VGLL3: variants seen among roughly 807,000 people sequenced by gnomAD.
The protein encoded by VGLL3 is vestigial like family member 3, also known as transcription cofactor vestigial-like protein 3.
Under a neutral mutation model 29.2 loss-of-function variants are expected in VGLL3, and 18 were observed. The observed-to-expected ratio is 0.62, with a 90% CI of 0.43 to 0.91. The LOEUF (loss-of-function observed/expected upper bound fraction) is 0.91, where lower values mean the gene tolerates loss of function less well. VGLL3 is among the 40% of genes least tolerant of loss of function. The probability of loss-of-function intolerance (pLI) is 0.00; values close to 1 mark genes in which losing one functional copy is unlikely to be tolerated. For synonymous variants in VGLL3, 180 were observed against 151.8 expected (o/e 1.19, Z -1.36); for missense variants, 440 against 413.2 (o/e 1.06, Z -0.56).
At chr3:86,973,713 A>G (rs1705152227) in intron 2 of VGLL3, among the ~76,000 whole-genome samples, 1 of 152,158 alleles carries the variant, frequency 6.6e-6, no homozygotes, top group Non-Finnish European at 1.5e-5. Context: ...AGCTCATCAG[A>G]CAGGCCCTCC....
At chr3:86,962,704 AAC>A in intron 3 of VGLL3, 1 of 801,186 alleles carries the variant, frequency 1.2e-6, no homozygotes, top group Admixed American at 6.2e-5. Context: ...AAGAGAATTA[AAC>A]ACACATTTAC....
Position 86,978,598 on chromosome 3 carries a change from C to T in VGLL3, c.331G>A (p.Gly111Ser), listed in dbSNP as rs1705257034. The T allele has an allele frequency of 2.5e-6, 4 of 1,614,104 alleles. No homozygotes were observed. The highest frequency in any genetic ancestry group is 1.3e-5 in the African/African-American group (1 of 75,016). ...TCTGGATGGAGGGTGATGGCTTGGC[C>T]CAAAGCTCTTGAGAAGTGTTCATCC... is the stretch of plus-strand genomic sequence containing the variant. ...VVDEHFSRAL[G>S]QAITLHPESA... Residue 111 changes from glycine (G) to serine (S), a missense_variant, in exon 2 of 4, where the codon GGC becomes AGC. Transcript: ENST00000398399.
chr3:86,964,394 A>T (rs1017606818), intron 3 of VGLL3, among the ~76,000 whole-genome samples: 1 of 152,208 alleles, frequency 6.6e-6, no homozygotes, highest in African/African-American at 2.4e-5. Flanking sequence ...TACACATTAT[A>T]TGACGTTCAA....
intron 2 of VGLL3, among the ~76,000 whole-genome samples, chr3:86,972,091 C>A (rs1308087750): frequency 6.6e-6 from 1 of 152,128 alleles, no homozygotes; most frequent in Admixed American, 6.6e-5. Context: ...GTACATGGAG[C>A]CAATCTTATT....
intron 2 of VGLL3, among the ~76,000 whole-genome samples, chr3:86,970,555 G>A (rs1355259635): frequency 6.6e-6 from 1 of 150,994 alleles, no homozygotes; most frequent in Non-Finnish European, 1.5e-5. Context: ...GACAAAAAGA[G>A]TTCCATAGGC....
chr3:86,978,852 C>A, intron 1 of VGLL3, 50 bp from the exon 2 acceptor site: 3 of 1,502,810 alleles, frequency 2.0e-6, no homozygotes, highest in Non-Finnish European at 2.7e-6. Flanking sequence ...TGTAGAAAAG[C>A]ATTCACTAGT....
chr3:86,963,220 TGTG>T (rs1245131169), intron 3 of VGLL3, among the ~76,000 whole-genome samples: 3 of 152,206 alleles, frequency 2.0e-5, no homozygotes, highest in African/African-American at 7.2e-5. Context: ...ATAAACAAAA[TGTG>T]GTATTATCCA....
chr3:86,969,267 T>A, intron 2 of VGLL3, 144 bp from the exon 3 acceptor site: 1 of 1,042,738 alleles, frequency 9.6e-7, no homozygotes, highest in African/African-American at 1.6e-5. Flanking sequence ...CAAACAGGGG[T>A]GAATTGATAC....
rs1575854626 is a variant in VGLL3, at chr3:86,941,913, C to T, written c.*5111G>A. On this transcript the variant is annotated 3_prime_UTR_variant, in exon 4 of 4. Coordinates refer to ENST00000398399, the MANE Select transcript of VGLL3 (RefSeq NM_016206.4). ...TGAGACTGAGGTTTCCTTATGGACT[C>T]CACCCATGCCCCCACTTGCCAGAGC... 1 of 152,076 alleles carries T rather than the reference C, an allele frequency of 6.6e-6. No individual in the cohort carries two copies. Among genetic ancestry groups the T allele is most frequent in the East Asian group, 1.9e-4 (1 of 5,186 alleles). 9.4% of individuals were successfully genotyped at this position (152,076 alleles called of 1,614,324 possible).
chr3:86,968,397 C>T (rs975636814), intron 3 of VGLL3, among the ~76,000 whole-genome samples, 193 bp downstream of exon 3: 88 of 152,318 alleles, frequency 5.8e-4, no homozygotes, highest in African/African-American at 2.0e-3. Flanking sequence ...AGACCTTTCT[C>T]AGGCTGGATT....
intron 2 of VGLL3, among the ~76,000 whole-genome samples, chr3:86,970,200 G>A (rs534142743): frequency 6.6e-6 from 1 of 152,192 alleles, no homozygotes; most frequent in South Asian, 2.1e-4. Context: ...CTACTCAATC[G>A]TAATAACACA....
At chr3:86,960,017 C>T (rs550178821) in intron 3 of VGLL3, among the ~76,000 whole-genome samples, 5 of 152,122 alleles carry the variant, frequency 3.3e-5, no homozygotes, top group African/African-American at 7.2e-5. Context: ...TATTCTCACC[C>T]GGTTTTTTGT....
Position 86,938,508 on chromosome 3 carries a change from T to C in VGLL3, c.*8516A>G, listed in dbSNP as rs1349219982. Reference sequence around the variant, plus strand: ...TTTTTTGGCAAGATATTAAATCCTCTGTTGCTATATTTGGCTCTCTGCAAA... The same window carrying C: ...TTTTTTGGCAAGATATTAAATCCTCCGTTGCTATATTTGGCTCTCTGCAAA... On this transcript the variant is annotated 3_prime_UTR_variant, in exon 4 of 4. Coordinates refer to ENST00000398399, the MANE Select transcript of VGLL3 (RefSeq NM_016206.4). 6.6e-6 allele frequency: 1 copy of C among 152,658 alleles called. No individual in the cohort carries two copies. The highest frequency in any genetic ancestry group is 1.5e-5 in the Non-Finnish European group (1 of 68,046). The allele number at this position is 152,658 out of a possible 1,614,324, so 9.5% of individuals were successfully genotyped here. A position where few individuals can be genotyped will look rare whatever the true frequency, so the allele number is the denominator to read the frequency against.
In VGLL3 at chr3:86,941,270, T is replaced by A. The variant is rs1559714886; in HGVS notation, c.*5754A>T. On this transcript the variant is annotated 3_prime_UTR_variant, in exon 4 of 4. Coordinates refer to ENST00000398399, the MANE Select transcript of VGLL3 (RefSeq NM_016206.4). ...ATCCTAAGAAATTAAATCAATTGTG[T>A]AAATAATCATTATTAACTTTTGCTC... 6.6e-6 allele frequency: 1 copy of A among 152,430 alleles called. No homozygotes were observed. Among genetic ancestry groups the A allele is most frequent in the Admixed American group, 6.6e-5 (1 of 15,252 alleles). 9.4% of individuals were successfully genotyped at this position (152,430 alleles called of 1,614,324 possible).
At chr3:86,974,345 C>G (rs1401259188) in intron 2 of VGLL3, among the ~76,000 whole-genome samples, 1 of 152,042 alleles carries the variant, frequency 6.6e-6, no homozygotes, top group African/African-American at 2.4e-5. Flanking sequence ...TCTCGAACTC[C>G]TGACCTCAGG....
intron 3 of VGLL3, among the ~76,000 whole-genome samples, chr3:86,949,984 C>T (rs1434755980): frequency 1.3e-5 from 2 of 152,116 alleles, no homozygotes; most frequent in Non-Finnish European, 2.9e-5. Context: ...AATTGTTAAC[C>T]CATGAATCTT....
Position 86,990,805 on chromosome 3 carries a change from G to A in VGLL3, c.-62C>T, listed in dbSNP as rs937892157. ...GCCGCTCTACGCGCTGGCGCGAGGG[G>A]CGCGGGCGCCGCCGCCGCCGCAGCT... On this transcript the variant is annotated 5_prime_UTR_variant, in exon 1 of 4. Coordinates refer to ENST00000398399, the MANE Select transcript of VGLL3 (RefSeq NM_016206.4). 5 of 1,224,408 alleles carry A rather than the reference G, an allele frequency of 4.1e-6. No homozygotes were observed. Among genetic ancestry groups the A allele is most frequent in the Non-Finnish European group, 5.1e-6 (5 of 976,680 alleles). The allele number at this position is 1,224,408 out of a possible 1,614,324, so 75.8% of individuals were successfully genotyped here.
In VGLL3 at chr3:86,938,229, A is replaced by G. The variant is rs1173332717; in HGVS notation, c.*8795T>C. ...TATAGGTAAACATTGTGTAATCATT[A>G]TCACAATCAAATTAATTAATACAAC... is the stretch of plus-strand genomic sequence containing the variant. On this transcript the variant is annotated 3_prime_UTR_variant, in exon 4 of 4. Transcript: ENST00000398399. 1 of 152,246 alleles carries G rather than the reference A, an allele frequency of 6.6e-6. No homozygotes were observed. The highest frequency in any genetic ancestry group is 2.4e-5 in the African/African-American group (1 of 41,468). 9.4% of individuals were successfully genotyped at this position (152,246 alleles called of 1,614,324 possible). A position where few individuals can be genotyped will look rare whatever the true frequency, so the allele number is the denominator to read the frequency against.
intron 3 of VGLL3, among the ~76,000 whole-genome samples, chr3:86,959,826 C>A (rs1704801454): frequency 6.6e-6 from 1 of 152,076 alleles, no homozygotes; most frequent in South Asian, 2.1e-4. Flanking sequence ...AACTTTCCTG[C>A]AACTAGTGAT....
Sources: gnomAD v4.1 joint callset for allele counts (sites outside exome capture counted in the v4.1 genomes callset) on GRCh38, gnomAD v4.1.1 for gene constraint, MANE v1.5 for transcripts, NCBI Gene and HGNC (gene_info 2026-07-23, HGNC 2026-07-21) for gene names.